The following ELP4 variants were observed in gnomAD, a reference collection of about 807,000 sequenced individuals.
The protein encoded by ELP4 is elongator acetyltransferase complex subunit 4.
ELP4 carries 51 observed loss-of-function variants against 48.9 expected under a neutral mutation model. That is an observed-to-expected ratio of 1.04 (90% CI 0.83 to 1.32). ELP4 has a LOEUF of 1.32. ELP4 is among the 40% of genes most tolerant of loss of function. The pLI is 0.00. For synonymous variants in ELP4, 210 were observed against 189.2 expected (o/e 1.11, Z -0.90); for missense variants, 519 against 514.6 (o/e 1.01, Z -0.08).
At chr11:31,649,990 G>C (rs549697865) in intron 8 of ELP4, 125 bp from the exon 9 acceptor site, 18 of 483,406 alleles carry the variant, frequency 3.7e-5, no homozygotes, top group African/African-American at 1.2e-4. Context: ...CTGGTAGTAA[G>C]CTCCAGTTTT....
intron 2 of ELP4, among the ~76,000 whole-genome samples, chr11:31,522,136 T>C (rs950440559): frequency 2.6e-5 from 4 of 152,160 alleles, no homozygotes; most frequent in Non-Finnish European, 2.9e-5. Context: ...TAACATTACA[T>C]GTAAGAGAGA....
At chr11:31,666,490 G>T (rs545056121) in intron 9 of ELP4, among the ~76,000 whole-genome samples, 25 of 152,046 alleles carry the variant, frequency 1.6e-4, no homozygotes, top group Non-Finnish European at 2.9e-4. Flanking sequence ...TCAGGAGATC[G>T]AGACGATTCT....
At chr11:31,767,800 T>C (rs1409206237) in intron 9 of ELP4, 2 of 152,214 alleles carry the variant, frequency 1.3e-5, no homozygotes, top group Non-Finnish European at 2.9e-5. Flanking sequence ...AGTTACTCTT[T>C]GGAGTTAGGT....
chr11:31,742,740 C>G (rs568370806), intron 9 of ELP4, among the ~76,000 whole-genome samples: 8 of 152,216 alleles, frequency 5.3e-5, no homozygotes, highest in African/African-American at 1.9e-4. Flanking sequence ...TAAAAGAGCT[C>G]CTGAAGGAAG....
chr11:31,655,958 A>G (rs1485488757), intron 9 of ELP4, among the ~76,000 whole-genome samples: 1 of 152,066 alleles, frequency 6.6e-6, no homozygotes, highest in African/African-American at 2.4e-5. Flanking sequence ...TTGTCTTTAT[A>G]TTAATAATTC....
intron 9 of ELP4, among the ~76,000 whole-genome samples, chr11:31,736,468 T>G (rs973214688): frequency 5.3e-5 from 8 of 151,942 alleles, no homozygotes; most frequent in Non-Finnish European, 4.4e-5. Flanking sequence ...AAGCCAAAAT[T>G]GACAAATGGG....
At chr11:31,546,770 A>G (rs1956728875) in intron 3 of ELP4, among the ~76,000 whole-genome samples, 1 of 152,152 alleles carries the variant, frequency 6.6e-6, no homozygotes, top group Non-Finnish European at 1.5e-5. Context: ...AAGAACAGAA[A>G]TTATAACAAA....
chr11:31,641,799 A>G (rs1220133188), intron 7 of ELP4, among the ~76,000 whole-genome samples: 1 of 151,852 alleles, frequency 6.6e-6, no homozygotes, highest in African/African-American at 2.4e-5. Context: ...TTTATACTCA[A>G]TATGGGATTA....
chr11:31,666,715 C>T (rs1322962345), intron 9 of ELP4, among the ~76,000 whole-genome samples: 1 of 148,666 alleles, frequency 6.7e-6, no homozygotes, highest in East Asian at 2.0e-4. Context: ...AAAAAGGTTC[C>T]TTATGTAGAC....
At chr11:31,623,390 T>TAAATATATAAATAA (rs767306653) in intron 5 of ELP4, among the ~76,000 whole-genome samples, 7 of 92,612 alleles carry the variant, frequency 7.6e-5, no homozygotes, top group African/African-American at 2.5e-4. Context: ...TATATATATA[T>TAAATATATAAATAA]AAAACTAGAA....
In ELP4 at chr11:31,509,911, G is replaced by T. The variant is rs201513124; in HGVS notation, c.127G>T (p.Gly43Cys). The T allele has an allele frequency of 3.7e-6, 6 of 1,614,048 alleles. No individual in the cohort carries two copies. The highest frequency in any genetic ancestry group is 1.1e-5 in the South Asian group (1 of 91,084). Residue 43 changes from glycine to cysteine, a missense_variant, in exon 1 of 10, where the codon GGC (glycine) becomes TGC (cysteine). Transcript: ENST00000640961. ...GPRASVTNDS[G>C]PRLVSIAGTR... ...TAGAGCCAGCGTGACCAACGACAGC[G>T]GCCCTCGACTGGTGTCCATTGCGGG...
intron 1 of ELP4, 118 bp downstream of exon 1, chr11:31,510,125 G>T: frequency 2.2e-6 from 2 of 899,502 alleles, no homozygotes; most frequent in Non-Finnish European, 3.4e-6. Flanking sequence ...GAGGAGGAGA[G>T]AATAGCCTGG....
At chr11:31,520,620 A>G (rs1274317731) in intron 2 of ELP4, among the ~76,000 whole-genome samples, 1 of 152,114 alleles carries the variant, frequency 6.6e-6, no homozygotes, top group Non-Finnish European at 1.5e-5. Flanking sequence ...TTGGAATTGA[A>G]ATAAACCTTG....
chr11:31,723,039 G>A (rs546957821), intron 9 of ELP4, among the ~76,000 whole-genome samples: 3 of 152,292 alleles, frequency 2.0e-5, no homozygotes, highest in South Asian at 2.1e-4. Context: ...ATGAGAGGTG[G>A]CAAGAAGCTT....
rs773023640 is a variant in ELP4, at chr11:31,594,815, G to A, written c.427G>A (p.Asp143Asn). 4 of 1,536,880 alleles carry A rather than the reference G, an allele frequency of 2.6e-6. No homozygotes were observed. Among genetic ancestry groups the A allele is most frequent in the Non-Finnish European group, 3.5e-6 (4 of 1,149,216 alleles). The change falls in exon 4 of 10, where the codon GAT becomes AAT. Residue 143 changes from aspartate to asparagine, a missense_variant. Physicochemically the swap from Asp to Asn is conservative, Grantham distance 23. Transcript: ENST00000640961. ...LLDDKCKKEF[D>N]EDVYNHKTPE... ...TGATGATAAATGTAAAAAGGAATTT[G>A]ATGAAGATGTATACAATCATAAAAC...
intron 9 of ELP4, among the ~76,000 whole-genome samples, chr11:31,704,128 C>A (rs1592238578): frequency 1.3e-5 from 2 of 151,852 alleles, no homozygotes; most frequent in East Asian, 3.9e-4. Context: ...AATTGTCTTA[C>A]CACAAATGCA....
At chr11:31,603,178 A>G (rs1592151211) in intron 4 of ELP4, among the ~76,000 whole-genome samples, 2 of 151,882 alleles carry the variant, frequency 1.3e-5, no homozygotes, top group East Asian at 3.8e-4. Flanking sequence ...CTTCCACTTT[A>G]TCATGTGCCT....
chr11:31,737,357 T>G (rs904283831), intron 9 of ELP4, among the ~76,000 whole-genome samples: 20 of 151,924 alleles, frequency 1.3e-4, no homozygotes, highest in African/African-American at 4.8e-4. Flanking sequence ...TTAGGAGATA[T>G]ACCTAATGCT....
intron 3 of ELP4, among the ~76,000 whole-genome samples, chr11:31,564,582 A>G (rs879460435): frequency 2.6e-5 from 4 of 151,992 alleles, no homozygotes; most frequent in Non-Finnish European, 4.4e-5. Flanking sequence ...CCTGGGTCCA[A>G]GTGTTCTCAT....
Sources: gnomAD v4.1 joint callset for allele counts (sites outside exome capture counted in the v4.1 genomes callset) on GRCh38, gnomAD v4.1.1 for gene constraint, MANE v1.5 for transcripts, NCBI Gene and HGNC (gene_info 2026-07-23, HGNC 2026-07-21) for gene names.